Variants in DLG5 observed in about 807,000 individuals in gnomAD.
DLG5 encodes the protein disks large homolog 5.
DLG5 carries 48 observed loss-of-function variants against 189.8 expected under a neutral mutation model. The ratio of observed to expected loss-of-function variants is 0.25; its 90% CI spans 0.20 to 0.32. The LOEUF is 0.32. Among genes scored for constraint, DLG5 ranks in the 10% least tolerant of loss-of-function variants. The pLI, the probability that DLG5 is intolerant of heterozygous loss-of-function variation, is 1.00. For synonymous variants in DLG5, 1,016 were observed against 1,054.1 expected (o/e 0.96, Z 0.70); for missense variants, 2,160 against 2,544.7 (o/e 0.85, Z 3.25).
the DLG5 span, among the ~76,000 whole-genome samples, chr10:77,938,738 C>T: frequency 1.3e-5 from 2 of 152,204 alleles, no homozygotes; most frequent in Non-Finnish European, 2.9e-5. Flanking sequence ...AGAAAGTAAG[C>T]ATCATGAGCA....
At chr10:77,874,789 A>G (rs1157033135) in intron 1 of DLG5, among the ~76,000 whole-genome samples, 2 of 152,154 alleles carry the variant, frequency 1.3e-5, no homozygotes, top group African/African-American at 4.8e-5. Context: ...CCGGTACTCT[A>G]AGTGTTAGCT....
intron 1 of DLG5, 169 bp from the exon 2 acceptor site, chr10:77,869,366 C>T (rs943144589): frequency 1.4e-4 from 90 of 626,936 alleles, no homozygotes; most frequent in African/African-American, 1.4e-3. Flanking sequence ...ATCTGGACTT[C>T]GGTGTTTCTG....
intron 14 of DLG5, 43 bp downstream of exon 14, chr10:77,824,341 C>A: frequency 6.8e-7 from 1 of 1,461,050 alleles, no homozygotes; most frequent in East Asian, 2.3e-5. Context: ...GGGGCTCTGC[C>A]CATACTCCTG....
At chr10:77,846,817 T>G (rs1843717450) in intron 5 of DLG5, 1 of 436,670 alleles carries the variant, frequency 2.3e-6, no homozygotes, top group Non-Finnish European at 4.6e-6. Flanking sequence ...ATTGCCTGAG[T>G]TCCCCACAAG....
intron 7 of DLG5, among the ~76,000 whole-genome samples, chr10:77,839,044 C>T (rs560130924): frequency 6.6e-6 from 1 of 152,242 alleles, no homozygotes; most frequent in Non-Finnish European, 1.5e-5. Flanking sequence ...GGGCTCCAGG[C>T]TGAATGGCTC....
At chr10:77,905,514 C>T (rs144202485) in intron 1 of DLG5, among the ~76,000 whole-genome samples, 2 of 152,210 alleles carry the variant, frequency 1.3e-5, no homozygotes, top group African/African-American at 2.4e-5. Flanking sequence ...CTTGTCCCTA[C>T]GTTAAAAACA....
In DLG5 at chr10:77,811,136, T is replaced by C; in HGVS notation, c.4421A>G (p.Asp1474Gly). The C allele has an allele frequency of 6.2e-7, 1 of 1,612,724 alleles. No homozygotes were observed. The highest frequency in any genetic ancestry group is 1.1e-5 in the South Asian group (1 of 91,002). ...PSVIDPLMEQDEGPSTPPAKQ... is the reference protein window; with the variant it reads ...PSVIDPLMEQGEGPSTPPAKQ... ...GGCTGGGGGGGTGCTAGGCCCCTCG[T>C]CCTGCTCCATCAGTGGGTCGATGAC... Residue 1474 changes from aspartate to glycine, a missense_variant, in exon 23 of 32, where the codon GAC becomes GGC. Physicochemically the swap from Asp to Gly is moderately conservative, Grantham distance 94 (BLOSUM62 -1). Around this residue, in one of 5 missense-constraint regions of DLG5, gnomAD observed 574 missense variants for 644.2 expected, o/e 0.89. Coordinates refer to ENST00000372391, the MANE Select transcript of DLG5 (RefSeq NM_004747.4).
chr10:77,927,045 C>T, upstream of DLG5: 1 of 238,106 alleles, frequency 4.2e-6, no homozygotes. Flanking sequence ...CCCGGCCCGG[C>T]TCACCGGGGC....
chr10:77,835,840 T>C lies in DLG5; in HGVS notation c.1520A>G (p.Gln507Arg), dbSNP rs1843102742. ...ILRKQCKALCQELKEALQEAD... is the reference protein window; with the variant it reads ...ILRKQCKALCRELKEALQEAD... ...CTCCTGGAGGGCTTCCTTCAGCTCC[T>C]GGCACAGAGCCTTGCACTGCTTTCG... Residue 507 changes from glutamine to arginine, a missense_variant, in exon 8 of 32, where the codon CAG becomes CGG. Transcript: ENST00000372391. The C allele has an allele frequency of 6.2e-7, 1 of 1,614,140 alleles. No homozygotes were observed.
chr10:77,806,065 G>A, intron 26 of DLG5: 1 of 522,840 alleles, frequency 1.9e-6, no homozygotes, highest in East Asian at 3.1e-5. Flanking sequence ...CCAGCACCAG[G>A]GCAAGCTCTC....
intron 23 of DLG5, among the ~76,000 whole-genome samples, chr10:77,810,746 G>C (rs557004541): frequency 6.6e-6 from 1 of 152,212 alleles, no homozygotes; most frequent in African/African-American, 2.4e-5. Context: ...CACCTCATTG[G>C]GGGAAGCACT....
At chr10:77,847,640 C>CCACATG (rs1224586710) in intron 5 of DLG5, among the ~76,000 whole-genome samples, 3 of 152,152 alleles carry the variant, frequency 2.0e-5, no homozygotes, top group Admixed American at 6.5e-5. Flanking sequence ...GTAGGTATTT[C>CCACATG]CACATGCACA....
chr10:77,806,736 C>CCCCCCCCCCCCCCGA, intron 26 of DLG5, 22 bp downstream of exon 26: 1 of 1,591,504 alleles, frequency 6.3e-7, no homozygotes, highest in Non-Finnish European at 8.6e-7. Context: ...CCCACCCCAC[C>CCCCCCCCCCCCCCGA]CCAGGCCCGG....
intron 26 of DLG5, 26 bp downstream of exon 26, chr10:77,806,732 C>A: frequency 1.9e-6 from 3 of 1,574,256 alleles, no homozygotes; most frequent in South Asian, 2.2e-5. Context: ...CTGCCCCACC[C>A]CACCCCAGGC....
At chr10:77,913,223 C>T (rs1460550370) in intron 1 of DLG5, among the ~76,000 whole-genome samples, 3 of 152,192 alleles carry the variant, frequency 2.0e-5, no homozygotes, top group African/African-American at 7.2e-5. Context: ...GAACAGTCCA[C>T]TCCAGAGCTG....
chr10:77,937,715 CTTTT>C, the DLG5 span, among the ~76,000 whole-genome samples: 3 of 101,278 alleles, frequency 3.0e-5, no homozygotes, highest in East Asian at 1.0e-3. Flanking sequence ...ACATTTTATA[CTTTT>C]TTTTTTTTTT....
intron 2 of DLG5, 56 bp from the exon 3 acceptor site, chr10:77,856,948 C>G: frequency 6.5e-7 from 1 of 1,537,640 alleles, no homozygotes; most frequent in Non-Finnish European, 8.8e-7. Context: ...CACGAGGCGC[C>G]CGGTGCTGTC....
intron 6 of DLG5, 21 bp downstream of exon 6, chr10:77,843,426 C>T: frequency 3.1e-6 from 5 of 1,610,108 alleles, no homozygotes; most frequent in Non-Finnish European, 4.2e-6. Context: ...TGCCCCCGGC[C>T]CCCGATGGCC....
intron 1 of DLG5, among the ~76,000 whole-genome samples, chr10:77,889,672 G>C (rs888460611): frequency 6.6e-6 from 1 of 152,212 alleles, no homozygotes; most frequent in African/African-American, 2.4e-5. Flanking sequence ...GACCCAAGAA[G>C]GGGTTAGGCA....
Sources: allele counts gnomAD v4.1 joint callset (sites outside exome capture counted in the v4.1 genomes callset), GRCh38; gene constraint gnomAD v4.1.1; regional missense constraint gnomAD v4.1.1; transcripts MANE v1.5; gene names NCBI Gene and HGNC (gene_info 2026-07-23, HGNC 2026-07-21).